Variants in INTU observed in about 807,000 individuals in gnomAD.
INTU encodes protein inturned.
INTU carries 68 observed loss-of-function variants against 100.5 expected under a neutral mutation model. The observed-to-expected ratio is 0.68, with a 90% CI of 0.56 to 0.83. The LOEUF (loss-of-function observed/expected upper bound fraction) is 0.83. Among genes scored for constraint, INTU ranks in the 40% least tolerant of loss-of-function variants. INTU has a pLI of 0.00. For synonymous variants in INTU, 357 were observed against 395.7 expected (o/e 0.90, Z 1.16); for missense variants, 1,071 against 1,114.7 (o/e 0.96, Z 0.56).
intron 1 of INTU, among the ~76,000 whole-genome samples, chr4:127,639,895 C>G (rs1214344915): frequency 1.3e-5 from 2 of 152,058 alleles, no homozygotes; most frequent in Non-Finnish European, 2.9e-5. Flanking sequence ...ACTTTGTACC[C>G]GTCGACCAAT....
chr4:127,681,733 A>G (rs568799009), intron 6 of INTU, among the ~76,000 whole-genome samples: 2 of 152,228 alleles, frequency 1.3e-5, no homozygotes, highest in African/African-American at 2.4e-5. Context: ...CAGTGGCAAC[A>G]AAAGACAAAA....
rs1224461662 is a variant in INTU at position 127,680,712 on chromosome 4, C to T, written c.1182-3697C>T. Reference sequence around the variant, plus strand: ...GGCACAAGACAGGGATGCCGTCTCTCACCGCTCCTATTCAACATAGTGTTG... The same window carrying T: ...GGCACAAGACAGGGATGCCGTCTCTTACCGCTCCTATTCAACATAGTGTTG... On this transcript the variant is annotated intron_variant, in intron 6 of 15. Coordinates refer to ENST00000335251, the MANE Select transcript of INTU (RefSeq NM_015693.4). Among the ~76,000 whole-genome samples the T allele has an allele frequency of 4.1e-5, 6 of 147,208 alleles. No individual in the cohort carries two copies. The East Asian group carries it at 1.0e-3, about 24-fold the overall frequency.
chr4:127,635,903 TTC>T (rs966585745), intron 1 of INTU, among the ~76,000 whole-genome samples: 2 of 152,172 alleles, frequency 1.3e-5, no homozygotes, highest in Admixed American at 6.5e-5. Flanking sequence ...AGTATGAATG[TTC>T]TTTTTTGTCT....
At chr4:127,660,497 C>A (rs1728429457) in intron 3 of INTU, among the ~76,000 whole-genome samples, 1 of 152,206 alleles carries the variant, frequency 6.6e-6, no homozygotes, top group Non-Finnish European at 1.5e-5. Context: ...TCAGCTTCCA[C>A]AGCTGCTGCA....
chr4:127,633,707 C>T (rs751805729), intron 1 of INTU, among the ~76,000 whole-genome samples: 37 of 152,170 alleles, frequency 2.4e-4, no homozygotes, highest in African/African-American at 8.7e-4. Flanking sequence ...CTCAGCACTT[C>T]TGGATATTTC....
chr4:127,650,492 C>G (rs568392535), intron 2 of INTU, among the ~76,000 whole-genome samples: 4 of 150,992 alleles, frequency 2.6e-5, no homozygotes, highest in Non-Finnish European at 5.9e-5. Context: ...TTTGTTCTTG[C>G]GATAGTTTAC....
At chr4:127,635,987 G>A (rs1393873916) in intron 1 of INTU, among the ~76,000 whole-genome samples, 2 of 152,018 alleles carry the variant, frequency 1.3e-5, no homozygotes, top group South Asian at 2.1e-4. Context: ...TTCATCTCTC[G>A]GCTAGGTATG....
intron 5 of INTU, 97 bp downstream of exon 5, chr4:127,669,251 T>C: frequency 1.7e-6 from 1 of 595,490 alleles, no homozygotes; most frequent in Non-Finnish European, 3.0e-6. Flanking sequence ...ACAAATATAC[T>C]TGTATCTACA....
chr4:127,716,465 T>A lies in INTU; in HGVS notation c.*29T>A. ...TGCTTTCTTGATGCGTAGAAACACG[T>A]GCATGGAGGATCAAACACTGTCAGA... On this transcript the variant is annotated 3_prime_UTR_variant, in exon 16 of 16. Coordinates refer to ENST00000335251, the MANE Select transcript of INTU (RefSeq NM_015693.4). The A allele has an allele frequency of 9.6e-7, 1 of 1,046,984 alleles. No homozygotes were observed. The highest frequency in any genetic ancestry group is 2.5e-5 in the East Asian group (1 of 40,064). The allele number at this position is 1,046,984 out of a possible 1,614,324, so 64.9% of individuals were successfully genotyped here. A position where few individuals can be genotyped will look rare whatever the true frequency, so the allele number is the denominator to read the frequency against.
chr4:127,700,529 G>A (rs761519822), intron 9 of INTU, among the ~76,000 whole-genome samples: 1 of 152,068 alleles, frequency 6.6e-6, no homozygotes, highest in Non-Finnish European at 1.5e-5. Context: ...TCACCAAAAG[G>A]AACCAGGACT....
intron 1 of INTU, among the ~76,000 whole-genome samples, chr4:127,638,506 T>C (rs1727171232): frequency 6.6e-6 from 1 of 152,146 alleles, no homozygotes; most frequent in Non-Finnish European, 1.5e-5. Flanking sequence ...AATAAAGACC[T>C]GAGAGATTCA....
Position 127,716,449 on chromosome 4 carries a change from G to T in INTU, c.*13G>T. 7.5e-7 allele frequency: 1 copy of T among 1,336,992 alleles called. No homozygotes were observed. Among genetic ancestry groups the T allele is most frequent in the South Asian group, 1.3e-5 (1 of 74,610 alleles). 82.8% of individuals were successfully genotyped at this position (1,336,992 alleles called of 1,614,324 possible). On this transcript the variant is annotated 3_prime_UTR_variant, in exon 16 of 16. Coordinates refer to ENST00000335251, the MANE Select transcript of INTU (RefSeq NM_015693.4). ...GTTAACCTTGTAGCTGTGCTTTCTT[G>T]ATGCGTAGAAACACGTGCATGGAGG...
rs528484172 is a variant in INTU, at chr4:127,681,573, G to C, written c.1182-2836G>C. Among the ~76,000 whole-genome samples the C allele has an allele frequency of 3.2e-3, 493 of 152,044 alleles. 2 individuals carry two copies. The highest frequency in any genetic ancestry group is 0.01 in the African/African-American group (415 of 41,488). On this transcript the variant is annotated intron_variant, in intron 6 of 15. Transcript: ENST00000335251. The stretch of plus-strand genomic sequence containing the variant: ...ATATGTAGAAAGCTGAAACTGGATC[G>C]CTTCCTTACACCTTATACAAAAATT...
At position 127,651,883 on chromosome 4, in the gene INTU, C is replaced by T. The variant is rs1727899941; in HGVS notation, c.683-4753C>T. On this transcript the variant is annotated intron_variant, in intron 2 of 15. Transcript: ENST00000335251. ...ATGTTCTTCCATTTGTTTGTATCCT[C>T]TTTTATTTCCTTGAGCAGTGGTTTG... Among the ~76,000 whole-genome samples, 2 of 151,182 alleles carry T rather than the reference C, an allele frequency of 1.3e-5. 1 individual carries two copies. The highest frequency in any genetic ancestry group is 4.2e-4 in the South Asian group (2 of 4,792).
At chr4:127,702,080 T>A (rs1356968341) in intron 9 of INTU, among the ~76,000 whole-genome samples, 1 of 152,168 alleles carries the variant, frequency 6.6e-6, no homozygotes, top group East Asian at 1.9e-4. Flanking sequence ...ATCCAAAATG[T>A]TTAATTTAAA....
chr4:127,682,113 G>A (rs955733338), intron 6 of INTU, among the ~76,000 whole-genome samples: 1 of 152,002 alleles, frequency 6.6e-6, no homozygotes, highest in African/African-American at 2.4e-5. Flanking sequence ...AACAGGTGCT[G>A]GAGAGGATGT....
intron 5 of INTU, 99 bp downstream of exon 5, chr4:127,669,253 G>C: frequency 1.7e-6 from 1 of 579,138 alleles, no homozygotes; most frequent in Non-Finnish European, 3.1e-6. Context: ...AAATATACTT[G>C]TATCTACAAT....
Position 127,723,385 on chromosome 4 carries a change from C to CTTTT in INTU, c.*6965_*6968dup, listed in dbSNP as rs34743437. 1 of 109,074 alleles carries CTTTT rather than the reference C, an allele frequency of 9.2e-6. No homozygotes were observed. Among genetic ancestry groups the CTTTT allele is most frequent in the African/African-American group, 3.6e-5 (1 of 27,842 alleles). The allele number at this position is 109,074 out of a possible 1,614,324, so 6.8% of individuals were successfully genotyped here. ...TTGACCATCTGGGCTCTCTGTTCTA[C>CTTTT]TTTTTTTTTTTTTTTTTTTGCCTCT... On this transcript the variant is annotated 3_prime_UTR_variant, in exon 16 of 16. Coordinates refer to ENST00000335251, the MANE Select transcript of INTU (RefSeq NM_015693.4).
At chr4:127,653,175 C>T (rs1432776282) in intron 2 of INTU, among the ~76,000 whole-genome samples, 1 of 143,734 alleles carries the variant, frequency 7.0e-6, no homozygotes, top group Non-Finnish European at 1.5e-5. Context: ...AAAACCAGCT[C>T]CTGGATTCAT....
Sources: allele counts gnomAD v4.1 joint callset (sites outside exome capture counted in the v4.1 genomes callset), GRCh38; gene constraint gnomAD v4.1.1; transcripts MANE v1.5; gene names NCBI Gene and HGNC (gene_info 2026-07-23, HGNC 2026-07-21).